Variants in MAMDC2 observed in about 807,000 individuals in gnomAD.
The protein encoded by MAMDC2 is MAM domain-containing protein 2.
In MAMDC2, 57 loss-of-function variants were observed where a neutral mutation model predicts 89.8. That is an observed-to-expected ratio of 0.63 (90% CI 0.51 to 0.79). The LOEUF (loss-of-function observed/expected upper bound fraction) is 0.79. Among genes scored for constraint, MAMDC2 ranks in the 30% least tolerant of loss-of-function variants. The pLI is 0.00. For synonymous variants in MAMDC2, 313 were observed against 293.4 expected, an observed-to-expected ratio of 1.07 and a Z score of -0.68; for missense variants, 800 against 820.6, an observed-to-expected ratio of 0.97 and a Z score of 0.31.
chr9:70,095,959 C>T (rs1014482359), intron 2 of MAMDC2, among the ~76,000 whole-genome samples: 5 of 152,140 alleles, frequency 3.3e-5, no homozygotes, highest in African/African-American at 1.2e-4. Flanking sequence ...ACAACACTGT[C>T]AGTTTCCCCA....
chr9:70,188,848 T>A (rs2032818928), intron 11 of MAMDC2: 1 of 134,590 alleles, frequency 7.4e-6, no homozygotes, highest in Admixed American at 8.6e-5. Context: ...CAAGCCATCC[T>A]CTCACCTCGG....
At chr9:70,046,973 G>A (rs140934880) in intron 2 of MAMDC2, among the ~76,000 whole-genome samples, 85 of 152,246 alleles carry the variant, frequency 5.6e-4, no homozygotes, top group African/African-American at 2.0e-3. Flanking sequence ...AGAAGACATC[G>A]CTAAGAATTT....
At chr9:70,173,572 G>A (rs992847825) in intron 11 of MAMDC2, among the ~76,000 whole-genome samples, 1 of 152,174 alleles carries the variant, frequency 6.6e-6, no homozygotes, top group Admixed American at 6.5e-5. Context: ...ATGTGTATGT[G>A]TATTTTTCTT....
rs762000562 is a variant in MAMDC2 at position 70,159,324 on chromosome 9, TGA to T, written c.1405-9372_1405-9371del. On this transcript the variant is annotated intron_variant, in intron 9 of 13. Coordinates refer to ENST00000377182, the MANE Select transcript of MAMDC2 (RefSeq NM_153267.5). ...TTCATTCCAGTAATATTTATAATACTGAGAGAGTGGAAACTACCATATTGTCT... is the reference window on the plus strand; with the variant it reads ...TTCATTCCAGTAATATTTATAATACTGAGAGTGGAAACTACCATATTGTCT... Among the ~76,000 whole-genome samples, 26 of 152,312 alleles carry T rather than the reference TGA, an allele frequency of 1.7e-4. 1 individual carries two copies. Among genetic ancestry groups the T allele is most frequent in the Non-Finnish European group, 2.9e-4 (20 of 68,024 alleles).
intron 5 of MAMDC2, among the ~76,000 whole-genome samples, chr9:70,122,635 A>G (rs374289604): frequency 1.3e-5 from 2 of 152,356 alleles, no homozygotes. Flanking sequence ...TTAGGGGTCC[A>G]TGACAATATT....
In MAMDC2 at chr9:70,044,569, G is replaced by T; in HGVS notation, c.35-15G>T. On this transcript the variant is annotated splice_polypyrimidine_tract_variant and intron_variant, in intron 1 of 13. Transcript: ENST00000377182. ...CTGGGTGGAGCTCGAACTGAAACTCGCTTTGTGCCCGCAGCCCTGCAGCTC... is the reference window on the plus strand; with the variant it reads ...CTGGGTGGAGCTCGAACTGAAACTCTCTTTGTGCCCGCAGCCCTGCAGCTC... 1 of 1,546,664 alleles carries T rather than the reference G, an allele frequency of 6.5e-7. No homozygotes were observed. The highest frequency in any genetic ancestry group is 8.7e-7 in the Non-Finnish European group (1 of 1,145,502).
intron 11 of MAMDC2, among the ~76,000 whole-genome samples, chr9:70,199,163 C>T (rs1452800052): frequency 1.4e-5 from 2 of 140,454 alleles, no homozygotes; most frequent in African/African-American, 2.6e-5. Context: ...CCCACTAACT[C>T]GTCATCTAGC....
chr9:70,094,575 T>C (rs1827981967), intron 2 of MAMDC2, among the ~76,000 whole-genome samples: 2 of 152,178 alleles, frequency 1.3e-5, no homozygotes, highest in South Asian at 2.1e-4. Flanking sequence ...TAACAGCAAA[T>C]TGAGTAATTT....
intron 9 of MAMDC2, among the ~76,000 whole-genome samples, chr9:70,155,121 C>T (rs2031713802): frequency 6.6e-6 from 1 of 152,114 alleles, no homozygotes; most frequent in African/African-American, 2.4e-5. Context: ...ATCTTTACCC[C>T]AGTCTTCTCA....
chr9:70,163,864 G>T (rs2032073960), intron 9 of MAMDC2, among the ~76,000 whole-genome samples: 1 of 150,484 alleles, frequency 6.6e-6, no homozygotes, highest in Non-Finnish European at 1.5e-5. Flanking sequence ...TGAAGCAGGG[G>T]GATCACTTGA....
chr9:70,049,942 T>C (rs749929392), intron 2 of MAMDC2, among the ~76,000 whole-genome samples: 1 of 152,152 alleles, frequency 6.6e-6, no homozygotes, highest in Non-Finnish European at 1.5e-5. Context: ...CAGGCAGCCC[T>C]TGGACATTGC....
chr9:70,162,817 T>C (rs570555417), intron 9 of MAMDC2, among the ~76,000 whole-genome samples: 5 of 151,658 alleles, frequency 3.3e-5, no homozygotes, highest in Non-Finnish European at 7.4e-5. Flanking sequence ...TTTATGAACT[T>C]TGACAGGCCT....
intron 7 of MAMDC2, among the ~76,000 whole-genome samples, chr9:70,132,522 G>T (rs544083694): frequency 1.6e-5 from 2 of 126,332 alleles, no homozygotes; most frequent in Non-Finnish European, 3.2e-5. Context: ...CAAATCGGGG[G>T]ACTAAGAAAT....
chr9:70,197,398 CTTGATG>C (rs1394107948), intron 11 of MAMDC2, among the ~76,000 whole-genome samples: 1 of 152,018 alleles, frequency 6.6e-6, no homozygotes, highest in African/African-American at 2.4e-5. Context: ...TGCCAACATA[CTTGATG>C]AAATGGAAGA....
intron 9 of MAMDC2, among the ~76,000 whole-genome samples, chr9:70,152,798 T>C (rs2031625455): frequency 6.6e-6 from 1 of 152,190 alleles, no homozygotes; most frequent in African/African-American, 2.4e-5. Context: ...ATGTGTAAAA[T>C]GGGTATACCA....
chr9:70,095,348 T>G (rs1024685095), intron 2 of MAMDC2, among the ~76,000 whole-genome samples: 1 of 152,198 alleles, frequency 6.6e-6, no homozygotes, highest in Non-Finnish European at 1.5e-5. Flanking sequence ...CTGAAGCAGA[T>G]AGACGTATCA....
At chr9:70,077,019 T>C (rs568086126) in intron 2 of MAMDC2, among the ~76,000 whole-genome samples, 79 of 152,284 alleles carry the variant, frequency 5.2e-4, no homozygotes, top group African/African-American at 1.9e-3. Context: ...TCTTTTTCTT[T>C]ACTTAAATAA....
chr9:70,125,823 C>T (rs1447542842), intron 5 of MAMDC2, among the ~76,000 whole-genome samples: 2 of 152,144 alleles, frequency 1.3e-5, no homozygotes, highest in Admixed American at 6.5e-5. Flanking sequence ...TATTTCTCTC[C>T]ATGGGTGTGT....
chr9:70,203,237 T>C (rs1272016110), intron 11 of MAMDC2, among the ~76,000 whole-genome samples: 1 of 152,196 alleles, frequency 6.6e-6, no homozygotes, highest in African/African-American at 2.4e-5. Flanking sequence ...AGGAGCTCTT[T>C]TAGGGCAGGC....
Sources: gnomAD v4.1 joint callset for allele counts (sites outside exome capture counted in the v4.1 genomes callset) on GRCh38, gnomAD v4.1.1 for gene constraint, MANE v1.5 for transcripts, NCBI Gene and HGNC (gene_info 2026-07-23, HGNC 2026-07-21) for gene names.